The following LRIG1 variants were observed in gnomAD, a reference collection of about 807,000 sequenced individuals.
The protein encoded by LRIG1 is leucine-rich repeats and immunoglobulin-like domains protein 1.
LRIG1 carries 48 observed loss-of-function variants against 99.2 expected under a neutral mutation model. That is an observed-to-expected ratio of 0.48 (90% confidence interval 0.38 to 0.62). LRIG1 has a LOEUF of 0.62. LRIG1 is among the 20% of genes least tolerant of loss of function. The pLI, the probability that LRIG1 is intolerant of heterozygous loss-of-function variation, is 0.00. For synonymous variants in LRIG1, 772 were observed against 596.1 expected (o/e 1.29, Z -4.30); for missense variants, 1,646 against 1,434.4 (o/e 1.15, Z -2.38).
intron 2 of LRIG1, among the ~76,000 whole-genome samples, chr3:66,454,389 A>G (rs1704002598): frequency 6.6e-6 from 1 of 152,218 alleles, no homozygotes; most frequent in Non-Finnish European, 1.5e-5. Context: ...GGGGAAAGGC[A>G]CTCAGGAAGT....
chr3:66,412,220 C>T (rs1575670974), intron 6 of LRIG1, among the ~76,000 whole-genome samples: 1 of 152,160 alleles, frequency 6.6e-6, no homozygotes, highest in Non-Finnish European at 1.5e-5. Context: ...CAGAAATAAA[C>T]CTCCTAAGAT....
At chr3:66,416,946 C>T (rs1340419172) in intron 4 of LRIG1, among the ~76,000 whole-genome samples, 183 bp downstream of exon 4, 1 of 152,252 alleles carries the variant, frequency 6.6e-6, no homozygotes, top group African/African-American at 2.4e-5. Flanking sequence ...TGGACGTGCT[C>T]TATGCATGGG....
intron 11 of LRIG1, among the ~76,000 whole-genome samples, chr3:66,397,753 A>G (rs1271403811): frequency 6.6e-6 from 1 of 152,248 alleles, no homozygotes; most frequent in Non-Finnish European, 1.5e-5. Context: ...AGCAAGCCCA[A>G]AAGATGAAAA....
Position 66,380,091 on chromosome 3 carries a change from C to T in LRIG1, c.*172G>A. On this transcript the variant is annotated 3_prime_UTR_variant, in exon 19 of 19. Coordinates refer to ENST00000273261, the MANE Select transcript of LRIG1 (RefSeq NM_015541.3). ...CTTTTTTTGCCTTTTGTACACAAAT[C>T]CCCTCTTGCGTTTACTGTGCTTCAG... 1 of 554,424 alleles carries T rather than the reference C, an allele frequency of 1.8e-6. No homozygotes were observed. Among genetic ancestry groups the T allele is most frequent in the Admixed American group, 3.3e-5 (1 of 30,336 alleles). The allele number at this position is 554,424 out of a possible 1,614,324, so 34.3% of individuals were successfully genotyped here.
At chr3:66,478,050 G>C (rs1380389395) in intron 1 of LRIG1, among the ~76,000 whole-genome samples, 1 of 152,152 alleles carries the variant, frequency 6.6e-6, no homozygotes, top group Non-Finnish European at 1.5e-5. Flanking sequence ...ATCTACATAA[G>C]TCTTATGAAA....
chr3:66,425,465 A>G (rs552112660), intron 3 of LRIG1, among the ~76,000 whole-genome samples: 12 of 152,358 alleles, frequency 7.9e-5, no homozygotes, highest in Admixed American at 5.2e-4. Flanking sequence ...GGATGGAAAG[A>G]AAAGGGCAGT....
intron 15 of LRIG1, 29 bp from the exon 16 acceptor site, chr3:66,382,427 C>G: frequency 6.2e-7 from 1 of 1,613,868 alleles, no homozygotes; most frequent in Non-Finnish European, 8.5e-7. Context: ...AATAGAACAC[C>G]AGGGTCTCAG....
chr3:66,405,718 C>G, intron 8 of LRIG1: 2 of 1,104,514 alleles, frequency 1.8e-6, no homozygotes, highest in African/African-American at 3.3e-5. Context: ...AAGAAAGAGA[C>G]CCGGCACAGG....
rs1220311807 is a variant in LRIG1 at position 66,379,570 on chromosome 3, T to TC, written c.*692dup. Reference sequence around the variant, plus strand: ...CTTGTGATGGATTAACAACCCTCATTCTACGCCTTACAGACGGACAGATTC... The same window carrying TC: ...CTTGTGATGGATTAACAACCCTCATTCCTACGCCTTACAGACGGACAGATTC... On this transcript the variant is annotated 3_prime_UTR_variant, in exon 19 of 19. Transcript: ENST00000273261. 1.3e-5 allele frequency: 2 copies of TC among 151,518 alleles called. No homozygotes were observed. The highest frequency in any genetic ancestry group is 3.9e-4 in the East Asian group (2 of 5,190). The allele number at this position is 151,518 out of a possible 1,614,324, so 9.4% of individuals were successfully genotyped here.
At chr3:66,382,534 C>T (rs1337243243) in intron 15 of LRIG1, 136 bp from the exon 16 acceptor site, 6 of 1,024,728 alleles carry the variant, frequency 5.9e-6, no homozygotes, top group Non-Finnish European at 7.5e-6. Flanking sequence ...ACATGGAGTC[C>T]ATGTACGCAA....
chr3:66,473,951 G>C (rs1311164277), intron 1 of LRIG1, among the ~76,000 whole-genome samples: 1 of 152,156 alleles, frequency 6.6e-6, no homozygotes, highest in Non-Finnish European at 1.5e-5. Flanking sequence ...CTAAGACGTC[G>C]TGAAACACTC....
At chr3:66,384,449 C>T (rs1701262163) in intron 13 of LRIG1, among the ~76,000 whole-genome samples, 177 bp from the exon 14 acceptor site, 1 of 152,160 alleles carries the variant, frequency 6.6e-6, no homozygotes, top group East Asian at 1.9e-4. Context: ...CTTCTCCCAC[C>T]ACAGTTGGAA....
At chr3:66,414,517 C>A (rs559738566) in intron 5 of LRIG1, among the ~76,000 whole-genome samples, 1 of 152,292 alleles carries the variant, frequency 6.6e-6, no homozygotes, top group African/African-American at 2.4e-5. Flanking sequence ...AACTTCCTCT[C>A]AAACTGTTCA....
chr3:66,386,136 A>G lies in LRIG1; in HGVS notation c.1634T>C (p.Phe545Ser), dbSNP rs1302940167. The G allele has an allele frequency of 2.5e-6, 4 of 1,613,962 alleles. 1 individual carries two copies. In the South Asian group the frequency reaches 3.3e-5, roughly 13 times the overall value. Residue 545 changes from phenylalanine to serine, a missense_variant, in exon 13 of 19, where the codon TTT becomes TCT. Coordinates refer to ENST00000273261, the MANE Select transcript of LRIG1 (RefSeq NM_015541.3). ...EVLTNADMENFVHVHAQDGEV... is the reference protein window; with the variant it reads ...EVLTNADMENSVHVHAQDGEV... ...CCCGTCCTGCGCGTGGACGTGGACAAAGTTCTCCATGTCTGCATTGGTCAG... is the reference window on the plus strand; with the variant it reads ...CCCGTCCTGCGCGTGGACGTGGACAGAGTTCTCCATGTCTGCATTGGTCAG...
intron 3 of LRIG1, among the ~76,000 whole-genome samples, chr3:66,445,312 C>T (rs530922677): frequency 6.6e-6 from 1 of 151,634 alleles, no homozygotes; most frequent in Non-Finnish European, 1.5e-5. Context: ...TTTACCCAAA[C>T]GGACTGGCCA....
intron 3 of LRIG1, among the ~76,000 whole-genome samples, chr3:66,424,359 C>A (rs959806787): frequency 1.3e-5 from 2 of 152,128 alleles, no homozygotes; most frequent in African/African-American, 4.8e-5. Flanking sequence ...GGTCTCCCCC[C>A]CATGAAGGTT....
At chr3:66,453,867 G>C (rs529732246) in intron 2 of LRIG1, among the ~76,000 whole-genome samples, 7 of 152,224 alleles carry the variant, frequency 4.6e-5, no homozygotes, top group Non-Finnish European at 7.3e-5. Flanking sequence ...CGCCTGATGA[G>C]CCTGGTCTCA....
intron 3 of LRIG1, among the ~76,000 whole-genome samples, chr3:66,430,676 G>A (rs1008505190): frequency 6.6e-6 from 1 of 152,186 alleles, no homozygotes; most frequent in African/African-American, 2.4e-5. Flanking sequence ...TCCACACGGA[G>A]GTCAGCTGTC....
At chr3:66,435,290 G>GGGT (rs1169201212) in intron 3 of LRIG1, among the ~76,000 whole-genome samples, 1 of 152,154 alleles carries the variant, frequency 6.6e-6, no homozygotes, top group African/African-American at 2.4e-5. Context: ...TAGGCATGGT[G>GGGT]GGTCAAGCCT....
Sources: allele counts gnomAD v4.1 joint callset (sites outside exome capture counted in the v4.1 genomes callset), GRCh38; gene constraint gnomAD v4.1.1; transcripts MANE v1.5; gene names NCBI Gene and HGNC (gene_info 2026-07-23, HGNC 2026-07-21).